The following ZBTB5 variants were observed in gnomAD, a reference collection of about 807,000 sequenced individuals.
The protein encoded by ZBTB5 is zinc finger and BTB domain-containing protein 5.
A neutral mutation model predicts 37.9 loss-of-function variants in ZBTB5; 15 were observed. The observed-to-expected ratio is 0.40, with a 90% CI of 0.26 to 0.61. The LOEUF (loss-of-function observed/expected upper bound fraction) is 0.61. Among genes scored for constraint, ZBTB5 ranks in the 20% least tolerant of loss-of-function variants. The pLI, the probability that ZBTB5 is intolerant of heterozygous loss-of-function variation, is 0.47. For synonymous variants in ZBTB5, 315 were observed against 312.4 expected (o/e 1.01, Z -0.09); for missense variants, 708 against 856.8 (o/e 0.83, Z 2.17).
chr9:37,443,963 G>A (rs1256037171), intron 1 of ZBTB5, among the ~76,000 whole-genome samples: 2 of 148,620 alleles, frequency 1.3e-5, no homozygotes, highest in Non-Finnish European at 3.0e-5. Context: ...TGCACCTGTG[G>A]TCCCAGCTAC....
intron 1 of ZBTB5, among the ~76,000 whole-genome samples, chr9:37,464,332 G>A (rs1167135755): frequency 6.6e-6 from 1 of 152,186 alleles, no homozygotes; most frequent in Non-Finnish European, 1.5e-5. Flanking sequence ...AATTTTTGAA[G>A]GTGAAGAGTT....
intron 1 of ZBTB5, among the ~76,000 whole-genome samples, chr9:37,448,264 C>T (rs1824031762): frequency 6.6e-6 from 1 of 152,184 alleles, no homozygotes; most frequent in Admixed American, 6.5e-5. Context: ...CCTCTCAAAA[C>T]ACTTTAGGGA....
intron 1 of ZBTB5, among the ~76,000 whole-genome samples, chr9:37,462,423 T>C (rs529534882): frequency 2.6e-5 from 4 of 152,302 alleles, no homozygotes; most frequent in East Asian, 1.9e-4. Flanking sequence ...ACGGACCAGA[T>C]TGAGAACCTG....
At position 37,442,460 on chromosome 9, in the gene ZBTB5, C is replaced by T; in HGVS notation, c.92G>A (p.Gly31Glu). ...GCGGTGGGCTTTAAAGTGTCTATTC[C>T]CCACTACAATGACACAATCACAGAG... ...GQLCDCVIVV[G>E]NRHFKAHRSV... The change falls in exon 2 of 2, where the codon GGG (glycine) becomes GAG (glutamate). Residue 31 changes from glycine (G) to glutamate (E), a missense_variant. Transcript: ENST00000307750. 1 of 1,614,100 alleles carries T rather than the reference C, an allele frequency of 6.2e-7. No individual in the cohort carries two copies. Among genetic ancestry groups the T allele is most frequent in the Non-Finnish European group, 8.5e-7 (1 of 1,180,004 alleles).
intron 1 of ZBTB5, among the ~76,000 whole-genome samples, chr9:37,461,712 G>A (rs907174482): frequency 1.3e-5 from 2 of 152,040 alleles, no homozygotes; most frequent in African/African-American, 4.8e-5. Flanking sequence ...AAGCCTGGGT[G>A]ACAGAGTGAG....
intron 1 of ZBTB5, among the ~76,000 whole-genome samples, chr9:37,461,701 C>G (rs1824296183): frequency 6.6e-6 from 1 of 151,918 alleles, no homozygotes; most frequent in African/African-American, 2.4e-5. Flanking sequence ...CCATTGCACT[C>G]AAGCCTGGGT....
chr9:37,455,889 T>C (rs1824178751), intron 1 of ZBTB5, among the ~76,000 whole-genome samples: 1 of 151,960 alleles, frequency 6.6e-6, no homozygotes, highest in Non-Finnish European at 1.5e-5. Context: ...CAGGCTGCTT[T>C]TGAACTCCAG....
In ZBTB5 at chr9:37,440,328, T is replaced by TC. The variant is rs1032980575; in HGVS notation, c.*189dup. ...CCTGGTTTCAGGGATTGCATCCCTT[T>TC]CCCAAGACGTGCACTTCACTCAGAA... is the stretch of plus-strand genomic sequence containing the variant. On this transcript the variant is annotated 3_prime_UTR_variant, in exon 2 of 2. Transcript: ENST00000307750. 4 of 580,470 alleles carry TC rather than the reference T, an allele frequency of 6.9e-6. No homozygotes were observed. Among genetic ancestry groups the TC allele is most frequent in the African/African-American group, 5.6e-5 (3 of 53,642 alleles). The allele number at this position is 580,470 out of a possible 1,614,324, so 36.0% of individuals were successfully genotyped here. A position where few individuals can be genotyped will look rare whatever the true frequency, so the allele number is the denominator to read the frequency against.
intron 1 of ZBTB5, among the ~76,000 whole-genome samples, chr9:37,447,796 G>A (rs1257764489): frequency 6.6e-6 from 1 of 150,694 alleles, no homozygotes; most frequent in East Asian, 1.9e-4. Flanking sequence ...CTAATATTCT[G>A]CTCAATGCTT....
At chr9:37,444,974 G>C (rs137919343) in intron 1 of ZBTB5, among the ~76,000 whole-genome samples, 217 of 152,102 alleles carry the variant, frequency 1.4e-3, no homozygotes, top group African/African-American at 5.1e-3. Context: ...GGGAAAAAAA[G>C]GAATGGATAG....
intron 1 of ZBTB5, among the ~76,000 whole-genome samples, chr9:37,454,564 T>G (rs1380711445): frequency 1.3e-5 from 2 of 152,182 alleles, no homozygotes; most frequent in Non-Finnish European, 2.9e-5. Flanking sequence ...ATTAAGAAAA[T>G]ACACTCTCAT....
In ZBTB5 at chr9:37,441,846, C is replaced by T. The variant is rs773825633; in HGVS notation, c.706G>A (p.Asp236Asn). The change falls in exon 2 of 2, where the codon GAT (aspartate) becomes AAT (asparagine). Residue 236 changes from aspartate to asparagine, a missense_variant. By Grantham distance (23) the Asp-to-Asn change is conservative (BLOSUM62 1). Around this residue, in one of 3 missense-constraint regions of ZBTB5, gnomAD observed 639 missense variants for 690.5 expected, o/e 0.93. Coordinates refer to ENST00000307750, the MANE Select transcript of ZBTB5 (RefSeq NM_014872.3). ...GGATTATCCACAATTTTCAGAGAAT[C>T]TGGTGAAAAGAACTCCTCCCGAGAA... is the stretch of plus-strand genomic sequence containing the variant. ...VHSREEFFSP[D>N]SLKIVDNPKA... 5 of 1,614,036 alleles carry T rather than the reference C, an allele frequency of 3.1e-6. No homozygotes were observed. The South Asian group carries it at 4.4e-5, about 14-fold the overall frequency.
chr9:37,461,081 GTGACCTTCACT>G (rs1824284456), intron 1 of ZBTB5, among the ~76,000 whole-genome samples: 1 of 152,144 alleles, frequency 6.6e-6, no homozygotes, highest in African/African-American at 2.4e-5. Context: ...TGCTCAGCAA[GTGACCTTCACT>G]TGACCTGCAG....
Position 37,441,013 on chromosome 9 carries a change from G to A in ZBTB5, c.1539C>T (p.Leu513=). Residue 513 remains leucine, a synonymous_variant, in exon 2 of 2, where the codon CTC becomes CTT. Transcript: ENST00000307750. ...GMDFSRSGLG[L]HSSFSRVMIG... ...TCATTACCCTGGAGAAGGAGGAGTG[G>A]AGGCCCAAACCAGACCTGGAAAAGT... 6.2e-7 allele frequency: 1 copy of A among 1,614,164 alleles called. No homozygotes were observed. Among genetic ancestry groups the A allele is most frequent in the Non-Finnish European group, 8.5e-7 (1 of 1,180,024 alleles).
intron 1 of ZBTB5, among the ~76,000 whole-genome samples, chr9:37,445,826 T>A (rs963702063): frequency 6.6e-6 from 1 of 151,994 alleles, no homozygotes; most frequent in Non-Finnish European, 1.5e-5. Context: ...ATAGGCTGGG[T>A]GTGGTAGCTC....
chr9:37,440,438 G>A lies in ZBTB5; in HGVS notation c.*80C>T, dbSNP rs961365002. 3.1e-6 allele frequency: 4 copies of A among 1,294,302 alleles called. No homozygotes were observed. Among genetic ancestry groups the A allele is most frequent in the East Asian group, 2.4e-5 (1 of 41,612 alleles). The allele number at this position is 1,294,302 out of a possible 1,614,324, so 80.2% of individuals were successfully genotyped here. ...GAGCCACTGGGCAGCTGGAAGCCTC[G>A]AACCCAAAGGCATTAACTGCTTACC... On this transcript the variant is annotated 3_prime_UTR_variant, in exon 2 of 2. Transcript: ENST00000307750.
intron 1 of ZBTB5, among the ~76,000 whole-genome samples, chr9:37,460,484 A>G (rs1824273129): frequency 6.6e-6 from 1 of 152,224 alleles, no homozygotes; most frequent in Non-Finnish European, 1.5e-5. Context: ...CTGTAATCCC[A>G]GTACTTTGGG....
chr9:37,446,964 T>C (rs1824002336), intron 1 of ZBTB5, among the ~76,000 whole-genome samples: 1 of 152,186 alleles, frequency 6.6e-6, no homozygotes, highest in Non-Finnish European at 1.5e-5. Context: ...CATGGAAGCT[T>C]GGGCTCAACA....
chr9:37,444,879 A>T (rs1022434256), intron 1 of ZBTB5, among the ~76,000 whole-genome samples: 7 of 152,168 alleles, frequency 4.6e-5, no homozygotes, highest in Non-Finnish European at 1.0e-4. Flanking sequence ...GAAGCTCCAG[A>T]TGACAACTAG....
Sources: gnomAD v4.1 joint callset for allele counts (sites outside exome capture counted in the v4.1 genomes callset) on GRCh38, gnomAD v4.1.1 for gene constraint, gnomAD v4.1.1 regional missense constraint, MANE v1.5 for transcripts, NCBI Gene and HGNC (gene_info 2026-07-23, HGNC 2026-07-21) for gene names.